The following ACVR1 variants were observed in gnomAD, a reference collection of about 807,000 sequenced individuals.
ACVR1 encodes the protein activin A receptor type 1.
A neutral mutation model predicts 57.1 loss-of-function variants in ACVR1; 38 were observed. The observed-to-expected ratio is 0.67, with a 90% CI of 0.51 to 0.87. ACVR1 has a LOEUF of 0.87. Ranked by LOEUF, ACVR1 falls within the 40% of genes least tolerant of loss-of-function variation. The pLI, the probability that ACVR1 is intolerant of heterozygous loss-of-function variation, is 0.00. For missense variants in ACVR1, 463 were observed against 638.2 expected, an observed-to-expected ratio of 0.73 and a Z score of 2.96; for synonymous variants, 212 against 228.1, an observed-to-expected ratio of 0.93 and a Z score of 0.63.
At chr2:157,872,013 C>T (rs1690129191) in intron 1 of ACVR1, among the ~76,000 whole-genome samples, 1 of 152,166 alleles carries the variant, frequency 6.6e-6, no homozygotes, top group Admixed American at 6.5e-5. Context: ...ACATGGCAAG[C>T]AAGAGCATTC....
chr2:157,860,748 TTTTGCTAGAAAAAAAAAAATCCAATCTCC>T (rs1689690135), intron 1 of ACVR1, among the ~76,000 whole-genome samples: 1 of 152,124 alleles, frequency 6.6e-6, no homozygotes, highest in Non-Finnish European at 1.5e-5. Context: ...ATTATCAACT[TTTTGCTAGAAAAAAAAAAATCCAATCTCC>T]TTTGCAGGTG....
chr2:157,782,456 T>C (rs1220066443), intron 3 of ACVR1, among the ~76,000 whole-genome samples: 1 of 152,228 alleles, frequency 6.6e-6, no homozygotes, highest in African/African-American at 2.4e-5. Flanking sequence ...AAAGAGATAG[T>C]CTTTATGTTC....
At chr2:157,848,107 G>T (rs1689178889) in intron 1 of ACVR1, among the ~76,000 whole-genome samples, 1 of 152,162 alleles carries the variant, frequency 6.6e-6, no homozygotes, top group Non-Finnish European at 1.5e-5. Flanking sequence ...GAAAACTAAG[G>T]AAATCTGAAT....
intron 4 of ACVR1, 149 bp downstream of exon 4, chr2:157,780,188 T>G (rs1242319548): frequency 8.7e-7 from 1 of 1,151,804 alleles, no homozygotes; most frequent in Non-Finnish European, 1.2e-6. Context: ...TTTCTCTTCT[T>G]CACCCAGGGT....
rs1016500078 is a variant in ACVR1 at position 157,790,438 on chromosome 2, A to T, written c.67+8989T>A. 6.6e-5 allele frequency among the ~76,000 whole-genome samples: 10 copies of T among 152,302 alleles called. No individual in the cohort carries two copies. In the East Asian group the frequency reaches 1.9e-3, roughly 29 times the overall value. ...TACCTCTCATTTCACTGCCTGGGTT[A>T]TTCTGAGCTGGGCTTATTGACACTC... On this transcript the variant is annotated intron_variant, in intron 3 of 10. Transcript: ENST00000434821.
intron 1 of ACVR1, among the ~76,000 whole-genome samples, chr2:157,831,350 T>G (rs780542136): frequency 6.6e-6 from 1 of 152,186 alleles, no homozygotes; most frequent in Non-Finnish European, 1.5e-5. Context: ...CTTTTACACA[T>G]GAAATTGCTT....
chr2:157,751,272 G>A (rs1433505508), intron 9 of ACVR1, among the ~76,000 whole-genome samples: 1 of 152,218 alleles, frequency 6.6e-6, no homozygotes, highest in African/African-American at 2.4e-5. Flanking sequence ...TGAAATACAG[G>A]GGCACAGGAA....
chr2:157,843,289 A>G (rs572128319), intron 1 of ACVR1, among the ~76,000 whole-genome samples: 1 of 152,330 alleles, frequency 6.6e-6, no homozygotes, highest in African/African-American at 2.4e-5. Context: ...TCTAAATCCC[A>G]CAAGTTAGAC....
chr2:157,855,345 C>CACACAA (rs1553451290), intron 1 of ACVR1, among the ~76,000 whole-genome samples: 2 of 126,490 alleles, frequency 1.6e-5, no homozygotes, highest in Non-Finnish European at 1.6e-5. Context: ...CACACACACA[C>CACACAA]AAAAATTAGC....
rs12936 is a variant in ACVR1 at position 157,737,486 on chromosome 2, C to A, written c.*45G>T. Reference sequence around the variant, plus strand: ...AGGCCAGCATTAGGTCCCAGCTGGACAATGACAACAACGTCAAATCTTCCT... The same window carrying A: ...AGGCCAGCATTAGGTCCCAGCTGGAAAATGACAACAACGTCAAATCTTCCT... On this transcript the variant is annotated 3_prime_UTR_variant, in exon 11 of 11. Coordinates refer to ENST00000434821, the MANE Select transcript of ACVR1 (RefSeq NM_001111067.4). 5,977 of 1,610,494 alleles carry A rather than the reference C, an allele frequency of 3.7e-3. 127 individuals are homozygous for A. The African/African-American group carries it at 0.06, about 16-fold the overall frequency.
intron 1 of ACVR1, among the ~76,000 whole-genome samples, chr2:157,862,465 C>T (rs1249897420): frequency 7.7e-6 from 1 of 130,218 alleles, no homozygotes; most frequent in Non-Finnish European, 1.6e-5. Context: ...ACACAGAGTA[C>T]AAAACAGACA....
At chr2:157,839,193 T>A (rs911489571) in intron 1 of ACVR1, among the ~76,000 whole-genome samples, 1 of 152,246 alleles carries the variant, frequency 6.6e-6, no homozygotes, top group Non-Finnish European at 1.5e-5. Flanking sequence ...CTGTTGTTAA[T>A]GACAGTCTCA....
intron 1 of ACVR1, among the ~76,000 whole-genome samples, chr2:157,846,086 G>C (rs1425338442): frequency 6.6e-6 from 1 of 152,150 alleles, no homozygotes; most frequent in African/African-American, 2.4e-5. Context: ...AGAGTTTTGA[G>C]ATGAGGCGAT....
intron 1 of ACVR1, among the ~76,000 whole-genome samples, chr2:157,854,343 T>A (rs1490660474): frequency 6.6e-6 from 1 of 151,790 alleles, no homozygotes; most frequent in East Asian, 1.9e-4. Context: ...GAACACAACA[T>A]AAAAACATCA....
At chr2:157,740,184 CAA>C (rs34588062) in intron 9 of ACVR1, among the ~76,000 whole-genome samples, 17 of 128,490 alleles carry the variant, frequency 1.3e-4, no homozygotes, top group Admixed American at 2.5e-4. Context: ...GATTCTGTCT[CAA>C]AAAAAAAAAA....
intron 1 of ACVR1, among the ~76,000 whole-genome samples, chr2:157,822,638 G>A (rs1291040282): frequency 6.6e-6 from 1 of 152,204 alleles, no homozygotes; most frequent in East Asian, 1.9e-4. Flanking sequence ...CCTGGAAAAT[G>A]CTAGTGAACA....
intron 1 of ACVR1, among the ~76,000 whole-genome samples, chr2:157,844,129 GC>G (rs1191019860): frequency 6.6e-6 from 1 of 152,198 alleles, no homozygotes. Context: ...CTTATGGAAA[GC>G]AAGGCTGGGG....
rs377505861 is a variant in ACVR1 at position 157,749,430 on chromosome 2, T to TC, written c.1265-10861dup. Among the ~76,000 whole-genome samples, 144 of 152,318 alleles carry TC rather than the reference T, an allele frequency of 9.5e-4. 2 individuals carry two copies. The highest frequency in any genetic ancestry group is 3.3e-3 in the African/African-American group (138 of 41,572). On this transcript the variant is annotated intron_variant, in intron 9 of 10. Transcript: ENST00000434821. ...CTTCCTGCATTTAAATTTGACTCTT[T>TC]CAGTAGGTACAGTCTGCTCATTATA...
intron 7 of ACVR1, among the ~76,000 whole-genome samples, chr2:157,770,070 C>A (rs1402915654): frequency 6.6e-6 from 1 of 152,028 alleles, no homozygotes; most frequent in East Asian, 1.9e-4. Flanking sequence ...AACCAATGAG[C>A]CTTGAAGTGA....
Sources: gnomAD v4.1 joint callset for allele counts (sites outside exome capture counted in the v4.1 genomes callset) on GRCh38, gnomAD v4.1.1 for gene constraint, MANE v1.5 for transcripts, NCBI Gene and HGNC (gene_info 2026-07-23, HGNC 2026-07-21) for gene names.